PCDH11X: variants seen among roughly 807,000 people sequenced by gnomAD.
PCDH11X encodes the protein protocadherin-11 X-linked.
PCDH11X carries 18 observed loss-of-function variants against 53.3 expected under a neutral mutation model. The observed-to-expected ratio is 0.34, with a 90% CI of 0.23 to 0.50. The LOEUF (loss-of-function observed/expected upper bound fraction) is 0.50. PCDH11X is among the 20% of genes least tolerant of loss of function. The pLI, the probability that PCDH11X is intolerant of heterozygous loss-of-function variation, is 0.98. For missense variants in PCDH11X, 570 were observed against 1,032.4 expected, an observed-to-expected ratio of 0.55 and a Z score of 6.14; for synonymous variants, 279 against 393.3, an observed-to-expected ratio of 0.71 and a Z score of 3.44.
At chrX:91,970,282 G>A (rs2061938234) in intron 6 of PCDH11X, among the ~76,000 whole-genome samples, 2 of 111,437 alleles carry the variant, frequency 1.8e-5, no homozygotes, top group Non-Finnish European at 3.8e-5. Context: ...CTTCTGGCGA[G>A]GGTGGCCTGC....
chrX:91,880,364 T>C (rs1009494555), intron 6 of PCDH11X, among the ~76,000 whole-genome samples: 1 of 111,284 alleles, frequency 9.0e-6, no homozygotes, highest in African/African-American at 3.3e-5. Flanking sequence ...TTTGAACACC[T>C]ATTCAGGCTT....
At chrX:92,445,057 G>A (rs2072604376) in intron 9 of PCDH11X, among the ~76,000 whole-genome samples, 1 of 101,816 alleles carries the variant, frequency 9.8e-6, no homozygotes. Context: ...TGTTTTCAGG[G>A]TGATGCTGGT....
chrX:92,504,621 T>C (rs1042470475), intron 10 of PCDH11X, among the ~76,000 whole-genome samples: 1 of 111,378 alleles, frequency 9.0e-6, no homozygotes, highest in African/African-American at 3.3e-5. Context: ...TTTGCATATG[T>C]TTTTCTGGTA....
chrX:92,461,617 A>T (rs1357767932), intron 9 of PCDH11X, among the ~76,000 whole-genome samples: 2 of 112,095 alleles, frequency 1.8e-5, no homozygotes, highest in Admixed American at 9.5e-5. Context: ...ACAAGAAAAC[A>T]TTGGAGAAAC....
rs565106742 is a variant in PCDH11X, at chrX:91,903,105, T to C, written c.3033+23832T>C. On this transcript the variant is annotated intron_variant, in intron 6 of 10. Transcript: ENST00000682573. ...CACAAATACTATTTGGTAAAGCTGT[T>C]ATTTAAATACAAATGTTTACATTCC... Among the ~76,000 whole-genome samples, 161 of 111,392 alleles carry C rather than the reference T, an allele frequency of 1.4e-3. 3 individuals are homozygous for C. The South Asian group carries it at 0.061, about 42-fold the overall frequency.
chrX:92,026,576 T>C, intron 6 of PCDH11X, among the ~76,000 whole-genome samples: 1 of 101,812 alleles, frequency 9.8e-6, no homozygotes, highest in Admixed American at 1.1e-4. Flanking sequence ...CAAAATAGTA[T>C]CTATGGATTC....
intron 7 of PCDH11X, among the ~76,000 whole-genome samples, chrX:92,255,842 T>C (rs2067566875): frequency 8.9e-6 from 1 of 112,311 alleles, no homozygotes; most frequent in African/African-American, 3.2e-5. Context: ...TTCAAAGCTG[T>C]CAGACAGGGA....
At chrX:92,205,044 T>G (rs1161228172) in intron 7 of PCDH11X, among the ~76,000 whole-genome samples, 1 of 111,457 alleles carries the variant, frequency 9.0e-6, no homozygotes, top group African/African-American at 3.3e-5. Flanking sequence ...AAAGTGAGAG[T>G]TGGGTAGGGA....
rs72093084 is a variant in PCDH11X at position 91,801,179 on chromosome X, CAA to C, written c.-378-8269_-378-8268del. Among the ~76,000 whole-genome samples the C allele has an allele frequency of 6.8e-3, 217 of 31,857 alleles. 2 individuals are homozygous for C. The highest frequency in any genetic ancestry group is 0.019 in the African/African-American group (167 of 8,672). 27.7% of individuals were successfully genotyped at this position (31,857 alleles called of 115,157 possible). On this transcript the variant is annotated intron_variant, in intron 1 of 10. Coordinates refer to ENST00000682573, the MANE Select transcript of PCDH11X (RefSeq NM_032968.5). ...TGGGCAACAGAACAAGACCCTGCCT[CAA>C]AAAAAAAAAAAAAAAAAGAGTTTAT...
chrX:92,426,531 A>G lies in PCDH11X; in HGVS notation c.3343+38598A>G, dbSNP rs35040108. Among the ~76,000 whole-genome samples, 282 of 109,115 alleles carry G rather than the reference A, an allele frequency of 2.6e-3. 1 individual carries two copies. The highest frequency in any genetic ancestry group is 8.1e-3 in the South Asian group (20 of 2,475). 94.8% of individuals were successfully genotyped at this position (109,115 alleles called of 115,157 possible). The stretch of plus-strand genomic sequence containing the variant: ...ATTAAGGAAAAATTTGCATCGAACT[A>G]TGTTTTCATTTAGATGACAAAAACA... On this transcript the variant is annotated intron_variant, in intron 9 of 10. Coordinates refer to ENST00000682573, the MANE Select transcript of PCDH11X (RefSeq NM_032968.5).
intron 6 of PCDH11X, among the ~76,000 whole-genome samples, chrX:91,997,273 A>G (rs2062436113): frequency 9.1e-6 from 1 of 109,855 alleles, no homozygotes; most frequent in Non-Finnish European, 1.9e-5. Flanking sequence ...GTGGCAAAGG[A>G]GACATCTTTG....
chrX:91,958,789 C>T (rs772647412), intron 6 of PCDH11X, among the ~76,000 whole-genome samples: 3 of 109,990 alleles, frequency 2.7e-5, no homozygotes, highest in South Asian at 7.8e-4. Context: ...CATCTTGGAT[C>T]GTGTTTTTTG....
At position 92,403,554 on chromosome X, in the gene PCDH11X, G is replaced by A. The variant is rs1197303732; in HGVS notation, c.3343+15621G>A. Among the ~76,000 whole-genome samples the A allele has an allele frequency of 1.7e-4, 19 of 109,892 alleles. No homozygotes were observed. In the Admixed American group the frequency reaches 1.9e-3, roughly 11 times the overall value. ...TGTCAGTGACTGCTGATTATATGTA[G>A]TATTAGTGAAACAGAAATCAGCATG... is the stretch of plus-strand genomic sequence containing the variant. On this transcript the variant is annotated intron_variant, in intron 9 of 10. Coordinates refer to ENST00000682573, the MANE Select transcript of PCDH11X (RefSeq NM_032968.5).
chrX:92,011,307 C>G (rs2062687299), intron 6 of PCDH11X, among the ~76,000 whole-genome samples: 1 of 111,779 alleles, frequency 8.9e-6, no homozygotes, highest in Non-Finnish European at 1.9e-5. Context: ...CCATTGCTTT[C>G]CCCAGTGGCT....
chrX:92,214,044 T>G, intron 7 of PCDH11X, among the ~76,000 whole-genome samples: 1 of 111,800 alleles, frequency 8.9e-6, no homozygotes, highest in East Asian at 2.8e-4. Flanking sequence ...ATCACAGAAG[T>G]AGCCTTGTTG....
chrX:92,250,962 C>A (rs1177482372), intron 7 of PCDH11X, among the ~76,000 whole-genome samples: 1 of 110,447 alleles, frequency 9.1e-6, no homozygotes, highest in Non-Finnish European at 1.9e-5. Flanking sequence ...TAAAAAAAAC[C>A]TCTGAATTGA....
intron 9 of PCDH11X, among the ~76,000 whole-genome samples, chrX:92,437,395 C>A (rs749297716): frequency 4.4e-4 from 49 of 111,448 alleles, no homozygotes; most frequent in African/African-American, 1.5e-3. Context: ...CTAAGATAAG[C>A]AAGATATTTA....
intron 6 of PCDH11X, among the ~76,000 whole-genome samples, chrX:91,911,298 C>A (rs1275128407): frequency 2.8e-5 from 3 of 108,858 alleles, no homozygotes; most frequent in African/African-American, 6.7e-5. Flanking sequence ...AAATAAATAT[C>A]CTATCATTTT....
At chrX:91,831,521 GA>G (rs1336225713) in intron 4 of PCDH11X, among the ~76,000 whole-genome samples, 2 of 109,530 alleles carry the variant, frequency 1.8e-5, no homozygotes, top group African/African-American at 3.3e-5. Flanking sequence ...ACTAAGCAGT[GA>G]TTATTTATAT....
Sources: allele counts gnomAD v4.1 joint callset (sites outside exome capture counted in the v4.1 genomes callset), GRCh38; gene constraint gnomAD v4.1.1; transcripts MANE v1.5; gene names NCBI Gene and HGNC (gene_info 2026-07-23, HGNC 2026-07-21).